THSD4: variants seen among roughly 807,000 people sequenced by gnomAD.
The protein encoded by THSD4 is thrombospondin type-1 domain-containing protein 4.
THSD4 carries 69 observed loss-of-function variants against 119.0 expected under a neutral mutation model. The observed-to-expected ratio is 0.58, with a 90% confidence interval of 0.48 to 0.71. The LOEUF is 0.71. Ranked by LOEUF, THSD4 falls within the 30% of genes least tolerant of loss-of-function variation. The pLI is 0.00. For missense variants in THSD4, 1,393 were observed against 1,391.1 expected (o/e 1.00, Z -0.02); for synonymous variants, 524 against 540.4 (o/e 0.97, Z 0.42).
chr15:71,471,942 T>G (rs2047586518), intron 7 of THSD4, among the ~76,000 whole-genome samples: 1 of 151,820 alleles, frequency 6.6e-6, no homozygotes, highest in Admixed American at 6.6e-5. Context: ...TGAGAGAGGA[T>G]CTTGCTCTGT....
rs2054000690 is a variant in THSD4 at position 71,781,679 on chromosome 15, C to A, written c.*4305C>A. The stretch of plus-strand genomic sequence containing the variant: ...GCACAGTTTAGCTCCTGCAGAGACC[C>A]AGCTTTTCACAAGTTGGAGCCTTCC... On this transcript the variant is annotated 3_prime_UTR_variant, in exon 18 of 18. Coordinates refer to ENST00000261862, the MANE Select transcript of THSD4 (RefSeq NM_024817.3). The A allele has an allele frequency of 6.6e-6, 1 of 152,340 alleles. No individual in the cohort carries two copies. The highest frequency in any genetic ancestry group is 2.4e-5 in the African/African-American group (1 of 41,454). The allele number at this position is 152,340 out of a possible 1,614,324, so 9.4% of individuals were successfully genotyped here.
At chr15:71,547,962 C>A (rs2048864796) in intron 7 of THSD4, among the ~76,000 whole-genome samples, 1 of 150,822 alleles carries the variant, frequency 6.6e-6, no homozygotes, top group Admixed American at 6.6e-5. Flanking sequence ...AACTTTCTAT[C>A]ATAGATTTGA....
At chr15:71,162,944 T>G (rs2043260499) in intron 3 of THSD4, among the ~76,000 whole-genome samples, 2 of 152,020 alleles carry the variant, frequency 1.3e-5, no homozygotes, top group African/African-American at 4.8e-5. Context: ...TTTAATTCAT[T>G]CATTAAATTC....
At chr15:71,432,035 T>C (rs2046949136) in intron 7 of THSD4, among the ~76,000 whole-genome samples, 1 of 152,138 alleles carries the variant, frequency 6.6e-6, no homozygotes, top group Non-Finnish European at 1.5e-5. Flanking sequence ...TTTTGTGGCA[T>C]ACAAGATTTA....
intron 1 of THSD4, among the ~76,000 whole-genome samples, chr15:71,133,266 G>T (rs1302031875): frequency 1.3e-5 from 2 of 152,172 alleles, no homozygotes; most frequent in Non-Finnish European, 2.9e-5. Flanking sequence ...GTAGGGTGGA[G>T]AATGTCATGT....
intron 7 of THSD4, among the ~76,000 whole-genome samples, chr15:71,630,432 A>G (rs1391215472): frequency 1.3e-5 from 2 of 152,124 alleles, no homozygotes; most frequent in African/African-American, 4.8e-5. Context: ...TTTATATTTT[A>G]CCCCCAATTT....
chr15:71,171,331 G>C (rs2043360620), intron 3 of THSD4, among the ~76,000 whole-genome samples: 1 of 152,110 alleles, frequency 6.6e-6, no homozygotes, highest in Non-Finnish European at 1.5e-5. Flanking sequence ...AGTTAAGAAT[G>C]ACAGTAGATT....
At chr15:71,102,741 T>G (rs760172057) in intron 1 of THSD4, among the ~76,000 whole-genome samples, 5 of 152,124 alleles carry the variant, frequency 3.3e-5, no homozygotes, top group Admixed American at 6.5e-5. Context: ...ATTTTTTGTA[T>G]TTTTAGTGGA....
intron 16 of THSD4, among the ~76,000 whole-genome samples, chr15:71,765,790 CTGTGTG>C (rs59012463): frequency 0.1 from 15,012 of 146,238 alleles, 2,436 homozygotes; most frequent in African/African-American, 0.35. Flanking sequence ...CACACACTCT[CTGTGTG>C]TGTGTGTGTG....
At chr15:71,632,658 A>G (rs2050655610) in intron 7 of THSD4, among the ~76,000 whole-genome samples, 1 of 152,242 alleles carries the variant, frequency 6.6e-6, no homozygotes, top group Non-Finnish European at 1.5e-5. Context: ...CTTGGACTGA[A>G]GTGTTGCACA....
chr15:71,405,412 T>G (rs1596406655), intron 6 of THSD4, among the ~76,000 whole-genome samples: 1 of 152,256 alleles, frequency 6.6e-6, no homozygotes, highest in East Asian at 1.9e-4. Flanking sequence ...ATGGTAGATA[T>G]GCAAAGTTAT....
intron 7 of THSD4, among the ~76,000 whole-genome samples, chr15:71,640,506 A>G (rs1027149218): frequency 3.3e-5 from 5 of 152,156 alleles, no homozygotes; most frequent in African/African-American, 1.2e-4. Flanking sequence ...TATTGGATTA[A>G]TTTCAGTGAT....
At chr15:71,598,528 C>T (rs561487282) in intron 7 of THSD4, among the ~76,000 whole-genome samples, 11 of 152,300 alleles carry the variant, frequency 7.2e-5, no homozygotes, top group African/African-American at 1.7e-4. Context: ...GTCATTTCTC[C>T]ATTCCCTGCT....
chr15:71,716,558 T>TGG (rs1471403639), intron 8 of THSD4, among the ~76,000 whole-genome samples: 5 of 87,106 alleles, frequency 5.7e-5, no homozygotes, highest in Non-Finnish European at 9.8e-5. Context: ...TTATAGAGTG[T>TGG]GGGGTGTGTG....
intron 7 of THSD4, among the ~76,000 whole-genome samples, chr15:71,434,390 T>G (rs779475937): frequency 2.1e-4 from 31 of 149,108 alleles, no homozygotes; most frequent in African/African-American, 7.4e-4. Context: ...TGGAGTGTTA[T>G]GAGGAAGACA....
At chr15:71,594,457 T>A (rs1190029992) in intron 7 of THSD4, among the ~76,000 whole-genome samples, 2 of 152,046 alleles carry the variant, frequency 1.3e-5, no homozygotes, top group African/African-American at 4.8e-5. Flanking sequence ...TCCACCCACC[T>A]CGGCCTCCCC....
At chr15:71,673,422 G>A (rs1348291826) in intron 8 of THSD4, among the ~76,000 whole-genome samples, 4 of 152,002 alleles carry the variant, frequency 2.6e-5, no homozygotes, top group African/African-American at 9.7e-5. Context: ...AATTTTATCA[G>A]TCTTTTCAGA....
chr15:71,223,064 A>G (rs1046650905), intron 4 of THSD4, among the ~76,000 whole-genome samples: 2 of 152,158 alleles, frequency 1.3e-5, no homozygotes, highest in Non-Finnish European at 2.9e-5. Flanking sequence ...TGCTCAGTAA[A>G]GGCGTCTCAA....
intron 6 of THSD4, among the ~76,000 whole-genome samples, chr15:71,278,165 G>A (rs2044613074): frequency 6.6e-6 from 1 of 152,144 alleles, no homozygotes; most frequent in Admixed American, 6.5e-5. Flanking sequence ...ACTAAAGACT[G>A]CTAGAAGCCA....
Sources: gnomAD v4.1 joint callset for allele counts (sites outside exome capture counted in the v4.1 genomes callset) on GRCh38, gnomAD v4.1.1 for gene constraint, MANE v1.5 for transcripts, NCBI Gene and HGNC (gene_info 2026-07-23, HGNC 2026-07-21) for gene names.